Variants in CBLB observed in about 807,000 individuals in gnomAD.
The protein encoded by CBLB is E3 ubiquitin-protein ligase CBL-B.
CBLB carries 31 observed loss-of-function variants against 104.9 expected under a neutral mutation model. The ratio of observed to expected loss-of-function variants is 0.30; its 90% CI spans 0.22 to 0.40. The LOEUF (loss-of-function observed/expected upper bound fraction) is 0.40. CBLB is among the 10% of genes least tolerant of loss of function. The pLI, the probability that CBLB is intolerant of heterozygous loss-of-function variation, is 1.00. For missense variants in CBLB, 1,062 were observed against 1,214.6 expected (o/e 0.87, Z 1.87); for synonymous variants, 440 against 422.6 (o/e 1.04, Z -0.51).
intron 13 of CBLB, among the ~76,000 whole-genome samples, chr3:105,690,216 G>A (rs578172702): frequency 6.6e-6 from 1 of 152,156 alleles, no homozygotes; most frequent in African/African-American, 2.4e-5. Context: ...GTGTATGTTT[G>A]GTAGGAATGC....
intron 3 of CBLB, among the ~76,000 whole-genome samples, chr3:105,798,193 A>T (rs1443740611): frequency 1.3e-5 from 2 of 152,254 alleles, no homozygotes; most frequent in Non-Finnish European, 2.9e-5. Context: ...GAAGAGATAT[A>T]AAGTCCTAGT....
chr3:105,662,946 G>C (rs2063933340), intron 18 of CBLB, among the ~76,000 whole-genome samples: 1 of 152,218 alleles, frequency 6.6e-6, no homozygotes, highest in Admixed American at 6.5e-5. Flanking sequence ...CATTAGGAGA[G>C]TTACTACTGT....
intron 3 of CBLB, among the ~76,000 whole-genome samples, chr3:105,787,348 G>GC (rs1246778813): frequency 2.6e-5 from 4 of 152,198 alleles, no homozygotes; most frequent in African/African-American, 9.6e-5. Context: ...AAAACACAGT[G>GC]CTGACAGACC....
intron 17 of CBLB, among the ~76,000 whole-genome samples, chr3:105,674,257 C>T (rs755813050): frequency 5.9e-5 from 9 of 152,208 alleles, no homozygotes; most frequent in South Asian, 2.1e-4. Flanking sequence ...AAATGGCATG[C>T]GCTTTCTCAT....
At chr3:105,719,460 C>T (rs1463654589) in intron 10 of CBLB, among the ~76,000 whole-genome samples, 1 of 152,190 alleles carries the variant, frequency 6.6e-6, no homozygotes, top group Non-Finnish European at 1.5e-5. Context: ...GGACCACATA[C>T]ATCATGGTGA....
At chr3:105,701,911 T>G (rs934458346) in intron 12 of CBLB, among the ~76,000 whole-genome samples, 183 bp downstream of exon 12, 2 of 152,194 alleles carry the variant, frequency 1.3e-5, no homozygotes, top group Non-Finnish European at 2.9e-5. Flanking sequence ...ACTTAGAACC[T>G]CCTGACTTCT....
chr3:105,658,638 C>T lies in CBLB; in HGVS notation c.*332G>A, dbSNP rs1173205759. 7.5e-6 allele frequency: 3 copies of T among 399,344 alleles called. No homozygotes were observed. The highest frequency in any genetic ancestry group is 4.0e-5 in the Admixed American group (1 of 25,114). 24.7% of individuals were successfully genotyped at this position (399,344 alleles called of 1,614,324 possible). ...ATCAAAACACCAAAACAAAACTAAA[C>T]TAAAAACAAGAACAAACTGCAACTT... On this transcript the variant is annotated 3_prime_UTR_variant, in exon 19 of 19. Coordinates refer to ENST00000394030, the MANE Select transcript of CBLB (RefSeq NM_170662.5).
intron 18 of CBLB, among the ~76,000 whole-genome samples, chr3:105,669,552 C>T (rs2064845815): frequency 6.6e-6 from 1 of 152,162 alleles, no homozygotes; most frequent in Admixed American, 6.5e-5. Flanking sequence ...ACATTCTTAT[C>T]TCCAAAGTGT....
rs185874332 is a variant in CBLB at position 105,663,401 on chromosome 3, T to C, written c.2690-4172A>G. ...AAGAGCAGGGATGAGGAGGTAACGA[T>C]TGGTCAGCTGCTTGACTGATCACAG... On this transcript the variant is annotated intron_variant, in intron 18 of 18. Coordinates refer to ENST00000394030, the MANE Select transcript of CBLB (RefSeq NM_170662.5). Among the ~76,000 whole-genome samples, 23 of 152,268 alleles carry C rather than the reference T, an allele frequency of 1.5e-4. No homozygotes were observed. In the East Asian group the frequency reaches 1.9e-3, roughly 13 times the overall value.
In CBLB at chr3:105,743,475, T is replaced by A. The variant is rs1304099127; in HGVS notation, c.845+2442A>T. Among the ~76,000 whole-genome samples the A allele has an allele frequency of 1.6e-4, 22 of 137,964 alleles. No homozygotes were observed. The East Asian group carries it at 2.4e-3, about 15-fold the overall frequency. 90.5% of individuals were successfully genotyped at this position (137,964 alleles called of 152,430 possible). Reference sequence around the variant, plus strand: ...ACTCTGTCTCAAAAAAAAAAAAAAATTAAAAAAAAATATATATATGCATAT... The same window carrying A: ...ACTCTGTCTCAAAAAAAAAAAAAAAATAAAAAAAAATATATATATGCATAT... On this transcript the variant is annotated intron_variant, in intron 6 of 18. Coordinates refer to ENST00000394030, the MANE Select transcript of CBLB (RefSeq NM_170662.5).
At chr3:105,680,496 A>G (rs1300776286) in intron 16 of CBLB, among the ~76,000 whole-genome samples, 2 of 152,222 alleles carry the variant, frequency 1.3e-5, no homozygotes, top group African/African-American at 4.8e-5. Flanking sequence ...GATCTGGGTA[A>G]TATGTCAAAA....
In CBLB at chr3:105,677,838, A is replaced by T. The variant is rs142711253; in HGVS notation, c.2569+593T>A. 3.4e-3 allele frequency among the ~76,000 whole-genome samples: 509 copies of T among 149,660 alleles called. 5 individuals carry two copies. The highest frequency in any genetic ancestry group is 0.011 in the African/African-American group (468 of 41,144). On this transcript the variant is annotated intron_variant, in intron 17 of 18. Coordinates refer to ENST00000394030, the MANE Select transcript of CBLB (RefSeq NM_170662.5). ...ATAATATATACATATGTAAATAATA[A>T]TATTAAATAGTTACTAAGAAAAAAT... is the stretch of plus-strand genomic sequence containing the variant.
chr3:105,804,878 T>C (rs1383858682), intron 3 of CBLB, among the ~76,000 whole-genome samples: 1 of 152,082 alleles, frequency 6.6e-6, no homozygotes, highest in African/African-American at 2.4e-5. Context: ...TTATCCTTAC[T>C]CCACAGTGGG....
At chr3:105,800,813 G>A (rs568220444) in intron 3 of CBLB, among the ~76,000 whole-genome samples, 1 of 150,898 alleles carries the variant, frequency 6.6e-6, no homozygotes, top group South Asian at 2.1e-4. Flanking sequence ...AAGAAAGAAG[G>A]AACAAAGTGA....
intron 12 of CBLB, among the ~76,000 whole-genome samples, chr3:105,697,590 C>T (rs2152767174): frequency 6.6e-6 from 1 of 152,060 alleles, no homozygotes; most frequent in East Asian, 1.9e-4. Flanking sequence ...GACTGATTTT[C>T]TGAAAGACAG....
chr3:105,768,341 T>C (rs758239659), intron 4 of CBLB, among the ~76,000 whole-genome samples: 8 of 152,118 alleles, frequency 5.3e-5, no homozygotes, highest in Non-Finnish European at 1.0e-4. Context: ...AGGAGCAATA[T>C]AAGCAAAGAC....
chr3:105,737,341 T>A, intron 7 of CBLB, 83 bp from the exon 8 acceptor site: 2 of 645,652 alleles, frequency 3.1e-6, no homozygotes, highest in Non-Finnish European at 5.5e-6. Context: ...TTTTCTATAT[T>A]CAAACATACA....
At chr3:105,801,336 AAGAT>A (rs1210763902) in intron 3 of CBLB, among the ~76,000 whole-genome samples, 1 of 152,200 alleles carries the variant, frequency 6.6e-6, no homozygotes, top group Non-Finnish European at 1.5e-5. Flanking sequence ...AAAGTGGTAA[AAGAT>A]AGTATTTTTA....
chr3:105,830,811 T>C (rs2087390921), intron 3 of CBLB, among the ~76,000 whole-genome samples: 1 of 152,208 alleles, frequency 6.6e-6, no homozygotes, highest in African/African-American at 2.4e-5. Context: ...ACCAAATTTA[T>C]GTCAAACTCT....
Sources: allele counts gnomAD v4.1 joint callset (sites outside exome capture counted in the v4.1 genomes callset), GRCh38; gene constraint gnomAD v4.1.1; transcripts MANE v1.5; gene names NCBI Gene and HGNC (gene_info 2026-07-23, HGNC 2026-07-21).